Variants in AVL9 observed in about 807,000 individuals in gnomAD.
The protein encoded by AVL9 is late secretory pathway protein AVL9 homolog.
In AVL9, 49 loss-of-function variants were observed where a neutral mutation model predicts 79.2. The observed-to-expected ratio is 0.62, with a 90% CI of 0.49 to 0.79. The LOEUF is 0.79. Ranked by LOEUF, AVL9 falls within the 30% of genes least tolerant of loss-of-function variation. AVL9 has a pLI of 0.00. For synonymous variants in AVL9, 299 were observed against 280.6 expected (o/e 1.07, Z -0.65); for missense variants, 682 against 776.8 (o/e 0.88, Z 1.45).
chr7:32,576,108 T>C (rs1791088065), intron 13 of AVL9, 36 bp downstream of exon 13: 2 of 1,461,876 alleles, frequency 1.4e-6, no homozygotes, highest in Non-Finnish European at 1.9e-6. Flanking sequence ...AGTACATAAA[T>C]GGTTGGTTTA....
chr7:32,550,335 T>A (rs1476301950), intron 4 of AVL9, among the ~76,000 whole-genome samples: 1 of 152,206 alleles, frequency 6.6e-6, no homozygotes, highest in East Asian at 1.9e-4. Flanking sequence ...TGTGTAATTC[T>A]CACAGACATG....
intron 13 of AVL9, among the ~76,000 whole-genome samples, chr7:32,579,842 G>A (rs1249533441): frequency 4.6e-5 from 7 of 150,696 alleles, no homozygotes; most frequent in Admixed American, 6.7e-5. Context: ...CTATGACCAT[G>A]TCCTAAAACC....
chr7:32,572,961 A>G (rs1167664350), intron 11 of AVL9, among the ~76,000 whole-genome samples: 2 of 152,098 alleles, frequency 1.3e-5, no homozygotes, highest in East Asian at 3.9e-4. Flanking sequence ...TAGGTGAGTA[A>G]TTTTGTAATT....
intron 1 of AVL9, among the ~76,000 whole-genome samples, chr7:32,510,475 T>A (rs1271337416): frequency 6.9e-6 from 1 of 144,040 alleles, no homozygotes; most frequent in Non-Finnish European, 1.5e-5. Flanking sequence ...CTCTCCAGGG[T>A]GAGATTCATG....
chr7:32,548,475 C>T (rs1789639130), intron 3 of AVL9, among the ~76,000 whole-genome samples: 1 of 152,184 alleles, frequency 6.6e-6, no homozygotes, highest in South Asian at 2.1e-4. Flanking sequence ...CTAGCCCCTT[C>T]TCACCAGAAA....
At position 32,495,635 on chromosome 7, in the gene AVL9, T is replaced by C. The variant is rs1263042663; in HGVS notation, c.-75T>C. On this transcript the variant is annotated 5_prime_UTR_variant, in exon 1 of 16. Coordinates refer to ENST00000318709, the MANE Select transcript of AVL9 (RefSeq NM_015060.3). ...CGCTGACACCCGAAGTCCGCGGCTT[T>C]CCGCACACGGTGGGGTCGTCAGACC... 4 of 1,056,482 alleles carry C rather than the reference T, an allele frequency of 3.8e-6. No homozygotes were observed. The highest frequency in any genetic ancestry group is 4.9e-6 in the Non-Finnish European group (4 of 813,080). 65.4% of individuals were successfully genotyped at this position (1,056,482 alleles called of 1,614,324 possible).
intron 13 of AVL9, among the ~76,000 whole-genome samples, chr7:32,579,297 A>ATATATAT (rs1426596485): frequency 1.4e-5 from 1 of 70,756 alleles, no homozygotes; most frequent in South Asian, 5.7e-4. Flanking sequence ...TATATGTATT[A>ATATATAT]TATATATTAT....
intron 1 of AVL9, among the ~76,000 whole-genome samples, chr7:32,518,407 A>G (rs1788000529): frequency 6.6e-6 from 1 of 152,210 alleles, no homozygotes; most frequent in Non-Finnish European, 1.5e-5. Context: ...TTAGAATGTA[A>G]AGTTAAATAC....
At position 32,586,471 on chromosome 7, in the gene AVL9, C is replaced by CAA. The variant is rs1385638317; in HGVS notation, c.*2564_*2565insAA. 2 of 132,044 alleles carry CAA rather than the reference C, an allele frequency of 1.5e-5. No homozygotes were observed. The highest frequency in any genetic ancestry group is 3.4e-5 in the Non-Finnish European group (2 of 58,858). 8.2% of individuals were successfully genotyped at this position (132,044 alleles called of 1,614,324 possible). A position where few individuals can be genotyped will look rare whatever the true frequency, so the allele number is the denominator to read the frequency against. ...ACCCCTGGTCCTGTGACCCCCCCCC[C>CAA]CCACACACACACATACTTCAGGCTT... is the stretch of plus-strand genomic sequence containing the variant. On this transcript the variant is annotated 3_prime_UTR_variant, in exon 16 of 16. Coordinates refer to ENST00000318709, the MANE Select transcript of AVL9 (RefSeq NM_015060.3).
intron 8 of AVL9, among the ~76,000 whole-genome samples, chr7:32,558,239 A>C (rs551741626): frequency 2.4e-5 from 3 of 125,062 alleles, no homozygotes; most frequent in African/African-American, 3.1e-5. Flanking sequence ...GCTCACTGCA[A>C]CTCTGCCTCC....
At chr7:32,529,972 A>G (rs527731863) in intron 1 of AVL9, among the ~76,000 whole-genome samples, 1 of 152,314 alleles carries the variant, frequency 6.6e-6, no homozygotes, top group Admixed American at 6.5e-5. Context: ...TAACTGCTGT[A>G]TAGTATTTCA....
Position 32,559,473 on chromosome 7 carries a change from T to A in AVL9, c.1215+9T>A. The A allele has an allele frequency of 2.0e-6, 3 of 1,506,160 alleles. No homozygotes were observed. The highest frequency in any genetic ancestry group is 2.7e-6 in the Non-Finnish European group (3 of 1,127,850). 93.3% of individuals were successfully genotyped at this position (1,506,160 alleles called of 1,614,324 possible). ...TGGCCATCTTCACAAAGGTAAAGTGTAATATTTTTTATCGAATTCCTTAAA... is the reference window on the plus strand; with the variant it reads ...TGGCCATCTTCACAAAGGTAAAGTGAAATATTTTTTATCGAATTCCTTAAA... On this transcript the variant is annotated intron_variant, in intron 10 of 15. Coordinates refer to ENST00000318709, the MANE Select transcript of AVL9 (RefSeq NM_015060.3).
intron 10 of AVL9, among the ~76,000 whole-genome samples, chr7:32,564,990 T>C (rs975632998): frequency 6.6e-6 from 1 of 152,206 alleles, no homozygotes; most frequent in East Asian, 1.9e-4. Flanking sequence ...CAGTAGCTAT[T>C]TTCTGATGTG....
chr7:32,559,165 G>A lies in AVL9; in HGVS notation c.916G>A (p.Gly306Arg), dbSNP rs1338324177. The change falls in exon 10 of 16, where the codon GGG becomes AGG. Residue 306 changes from glycine (G) to arginine (R), a missense_variant. Transcript: ENST00000318709. ...PLFQVEDSSKGQEPNDTNQYL... is the reference protein window; with the variant it reads ...PLFQVEDSSKRQEPNDTNQYL... ...GTTCCAAGTGGAAGACAGCAGCAAA[G>A]GGCAGGAACCCAATGATACCAATCA... The A allele has an allele frequency of 1.2e-6, 2 of 1,614,160 alleles. No individual in the cohort carries two copies. Among genetic ancestry groups the A allele is most frequent in the Admixed American group, 3.3e-5 (2 of 60,020 alleles).
At chr7:32,526,110 C>T (rs1356251088) in intron 1 of AVL9, among the ~76,000 whole-genome samples, 1 of 152,158 alleles carries the variant, frequency 6.6e-6, no homozygotes, top group Non-Finnish European at 1.5e-5. Context: ...GCATGGACTT[C>T]CTGAGGCTCC....
At chr7:32,497,796 C>T (rs537487494) in intron 1 of AVL9, among the ~76,000 whole-genome samples, 221 of 152,144 alleles carry the variant, frequency 1.5e-3, no homozygotes, top group Non-Finnish European at 2.7e-3. Flanking sequence ...GGACTACAGG[C>T]GCCCGCCACC....
In AVL9 at chr7:32,587,758, T is replaced by C. The variant is rs140232920; in HGVS notation, c.*3851T>C. 4 of 152,370 alleles carry C rather than the reference T, an allele frequency of 2.6e-5. No individual in the cohort carries two copies. The highest frequency in any genetic ancestry group is 4.4e-5 in the Non-Finnish European group (3 of 68,036). 9.4% of individuals were successfully genotyped at this position (152,370 alleles called of 1,614,324 possible). ...ATGATTGTCATTCCATGCAGCATAA[T>C]GTGCCGTGAGGAGTTTTCTCATTCC... On this transcript the variant is annotated 3_prime_UTR_variant, in exon 16 of 16. Transcript: ENST00000318709.
chr7:32,503,821 T>C (rs1787292150), intron 1 of AVL9, among the ~76,000 whole-genome samples: 1 of 152,064 alleles, frequency 6.6e-6, no homozygotes, highest in Non-Finnish European at 1.5e-5. Flanking sequence ...TAGCTGGGAT[T>C]ACAGGTGTGC....
intron 10 of AVL9, among the ~76,000 whole-genome samples, chr7:32,564,673 G>A (rs1470521344): frequency 1.3e-5 from 2 of 152,110 alleles, no homozygotes; most frequent in African/African-American, 2.4e-5. Context: ...TCAGAGAGGA[G>A]GCTTACTATG....
Sources: allele counts gnomAD v4.1 joint callset (sites outside exome capture counted in the v4.1 genomes callset), GRCh38; gene constraint gnomAD v4.1.1; transcripts MANE v1.5; gene names NCBI Gene and HGNC (gene_info 2026-07-23, HGNC 2026-07-21).